Variants in IL1RAPL2 observed in about 807,000 individuals in gnomAD.
The protein encoded by IL1RAPL2 is X-linked interleukin-1 receptor accessory protein-like 2.
A neutral mutation model predicts 44.1 loss-of-function variants in IL1RAPL2; 3 were observed. The observed-to-expected ratio is 0.07, with a 90% CI of 0.03 to 0.18. The LOEUF is 0.18. Among genes scored for constraint, IL1RAPL2 ranks in the 10% least tolerant of loss-of-function variants. The pLI is 1.00. For synonymous variants in IL1RAPL2, 181 were observed against 178.8 expected (o/e 1.01, Z -0.10); for missense variants, 391 against 496.4 (o/e 0.79, Z 2.02).
intron 2 of IL1RAPL2, among the ~76,000 whole-genome samples, chrX:105,065,197 A>G (rs1279109345): frequency 9.0e-6 from 1 of 111,654 alleles, no homozygotes; most frequent in Non-Finnish European, 1.9e-5. Flanking sequence ...AATAACTAGA[A>G]GGGTCCACCA....
At chrX:105,180,351 A>G (rs1252495723) in intron 2 of IL1RAPL2, among the ~76,000 whole-genome samples, 1 of 109,212 alleles carries the variant, frequency 9.2e-6, no homozygotes, top group Non-Finnish European at 1.9e-5. Context: ...AAACAAAAAC[A>G]AAAACAAAAA....
At chrX:104,749,235 C>A (rs769265734) in intron 2 of IL1RAPL2, among the ~76,000 whole-genome samples, 1 of 110,866 alleles carries the variant, frequency 9.0e-6, no homozygotes, top group African/African-American at 3.3e-5. Flanking sequence ...GACCAGGTCA[C>A]CAGCAGAGAT....
At chrX:105,434,855 T>C (rs1420127242) in intron 5 of IL1RAPL2, among the ~76,000 whole-genome samples, 1 of 112,205 alleles carries the variant, frequency 8.9e-6, no homozygotes, top group Admixed American at 9.5e-5. Flanking sequence ...GTTTCACATT[T>C]AAGCCTTTAA....
intron 6 of IL1RAPL2, among the ~76,000 whole-genome samples, chrX:105,600,471 G>A (rs1602484256): frequency 9.2e-6 from 1 of 108,560 alleles, no homozygotes; most frequent in African/African-American, 3.3e-5. Flanking sequence ...TATATCAAAC[G>A]AATTCATTAT....
chrX:104,611,257 C>T (rs1929151058), intron 1 of IL1RAPL2, among the ~76,000 whole-genome samples: 1 of 111,448 alleles, frequency 9.0e-6, no homozygotes, highest in Non-Finnish European at 1.9e-5. Flanking sequence ...GCTGTGCCCA[C>T]AGAGCACCTT....
chrX:105,451,175 A>C (rs896179254), intron 5 of IL1RAPL2, among the ~76,000 whole-genome samples: 2 of 111,398 alleles, frequency 1.8e-5, no homozygotes, highest in African/African-American at 6.5e-5. Context: ...CTTCTAGTTT[A>C]TTCTCTAAAA....
intron 1 of IL1RAPL2, among the ~76,000 whole-genome samples, chrX:104,568,437 G>A (rs1225106017): frequency 9.0e-6 from 1 of 111,361 alleles, no homozygotes; most frequent in Non-Finnish European, 1.9e-5. Flanking sequence ...TTTTCCCACT[G>A]ACATCCTCAT....
chrX:105,619,050 T>G (rs751200683), intron 6 of IL1RAPL2, among the ~76,000 whole-genome samples: 1 of 110,935 alleles, frequency 9.0e-6, no homozygotes, highest in South Asian at 3.8e-4. Context: ...GACAGACTCC[T>G]GTAATGAAAG....
chrX:105,371,214 G>A (rs774540728), intron 5 of IL1RAPL2, among the ~76,000 whole-genome samples: 23 of 111,995 alleles, frequency 2.1e-4, no homozygotes, highest in African/African-American at 6.8e-4. Flanking sequence ...TTCTTTTGCT[G>A]TGAAGAAGTT....
Position 105,220,459 on chromosome X carries a change from T to A in IL1RAPL2, c.357-13359T>A, listed in dbSNP as rs964142491. 23 of 1,021,304 alleles carry A rather than the reference T, an allele frequency of 2.3e-5. No individual in the cohort carries two copies. The African/African-American group carries it at 4.2e-4, about 19-fold the overall frequency. 84.2% of individuals were successfully genotyped at this position (1,021,304 alleles called of 1,213,427 possible). On this transcript the variant is annotated intron_variant, in intron 3 of 10. Coordinates refer to ENST00000372582, the MANE Select transcript of IL1RAPL2 (RefSeq NM_017416.2). ...GTGGATGGAGCAGCCAATAGGTTCC[T>A]TTCCTCCCCCTTAGCCCCTCCCCTC... is the stretch of plus-strand genomic sequence containing the variant.
intron 5 of IL1RAPL2, among the ~76,000 whole-genome samples, chrX:105,345,805 T>A (rs1403029772): frequency 9.0e-6 from 1 of 111,709 alleles, no homozygotes; most frequent in African/African-American, 3.3e-5. Flanking sequence ...AGTCTCAAAT[T>A]AAAAGACATC....
chrX:104,675,030 T>C (rs1337930826), intron 2 of IL1RAPL2, among the ~76,000 whole-genome samples: 2 of 111,246 alleles, frequency 1.8e-5, no homozygotes, highest in Non-Finnish European at 3.8e-5. Context: ...TCAATTTTGT[T>C]GATCCTTTCA....
At chrX:104,677,205 G>GT (rs969490290) in intron 2 of IL1RAPL2, among the ~76,000 whole-genome samples, 8 of 111,783 alleles carry the variant, frequency 7.2e-5, no homozygotes, top group African/African-American at 2.6e-4. Context: ...TTCCTGTTCT[G>GT]TTTTTTCCCC....
chrX:105,732,656 A>C (rs1215306136), intron 7 of IL1RAPL2, among the ~76,000 whole-genome samples: 3 of 111,702 alleles, frequency 2.7e-5, no homozygotes, highest in Non-Finnish European at 5.7e-5. Flanking sequence ...CAATGTGAGA[A>C]TGAACTCAAA....
intron 2 of IL1RAPL2, among the ~76,000 whole-genome samples, chrX:104,725,244 T>C (rs976534543): frequency 8.9e-6 from 1 of 111,913 alleles, no homozygotes; most frequent in Non-Finnish European, 1.9e-5. Context: ...TAGTATTCCA[T>C]GGTGTATATG....
intron 5 of IL1RAPL2, among the ~76,000 whole-genome samples, chrX:105,363,308 A>AATATATATATATATATAT (rs1219827978): frequency 2.9e-5 from 2 of 68,569 alleles, no homozygotes; most frequent in African/African-American, 2.6e-4. Context: ...ATATATATAT[A>AATATATATATATATATAT]ATATATATAT....
Position 104,627,339 on chromosome X carries a change from G to C in IL1RAPL2, c.-19-31556G>C, listed in dbSNP as rs749965741. ...CACACTCCGGGGCCTGTTGTGGGGT[G>C]GGGGGAGGGGGGAGGGAAAGCATTA... On this transcript the variant is annotated intron_variant, in intron 1 of 10. Coordinates refer to ENST00000372582, the MANE Select transcript of IL1RAPL2 (RefSeq NM_017416.2). Among the ~76,000 whole-genome samples the C allele has an allele frequency of 1.5e-3, 114 of 75,253 alleles. 1 individual carries two copies. The highest frequency in any genetic ancestry group is 5.3e-3 in the African/African-American group (106 of 19,820). 65.3% of individuals were successfully genotyped at this position (75,253 alleles called of 115,157 possible). A position where few individuals can be genotyped will look rare whatever the true frequency, so the allele number is the denominator to read the frequency against.
chrX:104,771,813 T>C (rs983808930), intron 2 of IL1RAPL2, among the ~76,000 whole-genome samples: 4 of 111,754 alleles, frequency 3.6e-5, no homozygotes, highest in Non-Finnish European at 7.5e-5. Context: ...GGTCCATGGC[T>C]GAGTTATGAT....
chrX:105,688,824 A>G (rs1200124139), intron 6 of IL1RAPL2, among the ~76,000 whole-genome samples: 1 of 111,980 alleles, frequency 8.9e-6, no homozygotes, highest in Non-Finnish European at 1.9e-5. Flanking sequence ...TTCAAACTGT[A>G]CTACAAGGCT....
Sources: allele counts gnomAD v4.1 joint callset (sites outside exome capture counted in the v4.1 genomes callset), GRCh38; gene constraint gnomAD v4.1.1; transcripts MANE v1.5; gene names NCBI Gene and HGNC (gene_info 2026-07-23, HGNC 2026-07-21).